The following MCCC2 variants were observed in gnomAD, a reference collection of about 807,000 sequenced individuals.
MCCC2 encodes the protein methylcrotonyl-CoA carboxylase subunit 2.
A neutral mutation model predicts 77.2 loss-of-function variants in MCCC2; 52 were observed. That is an observed-to-expected ratio of 0.67 (90% CI 0.54 to 0.85). The LOEUF is 0.85. MCCC2 is among the 40% of genes least tolerant of loss of function. MCCC2 has a pLI of 0.00. For synonymous variants in MCCC2, 253 were observed against 248.4 expected, an observed-to-expected ratio of 1.02 and a Z score of -0.18; for missense variants, 682 against 703.2, an observed-to-expected ratio of 0.97 and a Z score of 0.34.
At chr5:71,637,992 A>G (rs111493948) in intron 10 of MCCC2, among the ~76,000 whole-genome samples, 7,934 of 152,012 alleles carry the variant, frequency 0.052, 739 homozygotes, top group African/African-American at 0.18. Flanking sequence ...GATTACAGGC[A>G]TCACCCACCG....
In MCCC2 at chr5:71,634,566, C is replaced by T. The variant is rs181656425; in HGVS notation, c.804-377C>T. Among the ~76,000 whole-genome samples the T allele has an allele frequency of 3.3e-5, 5 of 152,282 alleles. No homozygotes were observed. In the East Asian group the frequency reaches 5.8e-4, roughly 18 times the overall value. On this transcript the variant is annotated intron_variant, in intron 8 of 16. Transcript: ENST00000340941. ...CCGTCTGTGGTTGGCCTTCATCACA[C>T]GCAATTCTGCTTACGGTACAGGGGA...
At chr5:71,610,074 T>C (rs1200337681) in intron 6 of MCCC2, among the ~76,000 whole-genome samples, 2 of 152,264 alleles carry the variant, frequency 1.3e-5, no homozygotes, top group Non-Finnish European at 2.9e-5. Flanking sequence ...GCAGGCCTCC[T>C]TGAGCTGTGG....
At chr5:71,613,556 G>C (rs1746047120) in intron 6 of MCCC2, among the ~76,000 whole-genome samples, 1 of 152,130 alleles carries the variant, frequency 6.6e-6, no homozygotes, top group African/African-American at 2.4e-5. Flanking sequence ...AGTACTTTGA[G>C]AGGCCAAGGC....
intron 6 of MCCC2, among the ~76,000 whole-genome samples, chr5:71,614,432 G>C (rs1351250785): frequency 6.6e-6 from 1 of 151,714 alleles, no homozygotes; most frequent in African/African-American, 2.4e-5. Flanking sequence ...TTGAGGCCAG[G>C]AGTTTAAGAT....
intron 10 of MCCC2, among the ~76,000 whole-genome samples, chr5:71,639,167 A>G (rs777979828): frequency 1.3e-5 from 2 of 152,220 alleles, no homozygotes; most frequent in Non-Finnish European, 2.9e-5. Flanking sequence ...TTAGCCTTTA[A>G]CGAGAGAGTA....
chr5:71,588,419 C>T (rs556832276), intron 1 of MCCC2, among the ~76,000 whole-genome samples: 1 of 152,138 alleles, frequency 6.6e-6, no homozygotes, highest in Admixed American at 6.5e-5. Context: ...TGTGTTCCCA[C>T]GATTTCTAAG....
Position 71,635,224 on chromosome 5 carries a change from A to G in MCCC2, c.977A>G (p.Lys326Arg). 1 of 1,614,146 alleles carries G rather than the reference A, an allele frequency of 6.2e-7. No homozygotes were observed. The highest frequency in any genetic ancestry group is 8.5e-7 in the Non-Finnish European group (1 of 1,179,994). The change falls in exon 10 of 17, where the codon AAG becomes AGG. Residue 326 changes from lysine to arginine, a missense_variant. Lys to Arg is a conservative substitution (Grantham distance 26). Coordinates refer to ENST00000340941, the MANE Select transcript of MCCC2 (RefSeq NM_022132.5). ...ELYGIVGANL[K>R]RSFDVREVIA... ...TATGGAATAGTTGGTGCTAACCTTA[A>G]GAGGAGCTTTGATGTCCGAGAGGTA...
chr5:71,610,484 A>C (rs1745891070), intron 6 of MCCC2, among the ~76,000 whole-genome samples: 1 of 152,128 alleles, frequency 6.6e-6, no homozygotes, highest in African/African-American at 2.4e-5. Context: ...CCTTAGTGAG[A>C]TGAACCCAGT....
intron 11 of MCCC2, among the ~76,000 whole-genome samples, chr5:71,642,209 T>A (rs1580326302): frequency 8.0e-6 from 1 of 125,140 alleles, no homozygotes; most frequent in African/African-American, 3.1e-5. Flanking sequence ...AGAAGGGGAG[T>A]GAGAAGGAGA....
intron 7 of MCCC2, 22 bp from the exon 8 acceptor site, chr5:71,632,096 CTGA>C: frequency 6.2e-7 from 1 of 1,611,574 alleles, no homozygotes; most frequent in Non-Finnish European, 8.5e-7. Context: ...ACCGATTTCA[CTGA>C]TGATTTTTAT....
chr5:71,596,551 C>T (rs1251042029), intron 3 of MCCC2, among the ~76,000 whole-genome samples, 187 bp downstream of exon 3: 1 of 152,160 alleles, frequency 6.6e-6, no homozygotes, highest in African/African-American at 2.4e-5. Flanking sequence ...TACTATTGGT[C>T]AGGTACTAGT....
intron 2 of MCCC2, among the ~76,000 whole-genome samples, chr5:71,594,906 T>C (rs1745118241): frequency 6.6e-6 from 1 of 151,638 alleles, no homozygotes; most frequent in African/African-American, 2.4e-5. Context: ...CTCTTTTTTT[T>C]TTTTTTTACT....
In MCCC2 at chr5:71,604,388, G is replaced by A; in HGVS notation, c.544G>A (p.Ala182Thr). The A allele has an allele frequency of 6.2e-7, 1 of 1,614,122 alleles. No individual in the cohort carries two copies. The highest frequency in any genetic ancestry group is 8.5e-7 in the Non-Finnish European group (1 of 1,180,014). ...DSGGAYLPRQ[A>T]DVFPDRDHFG... ...GGGAGGAGCATACTTACCTCGACAAGCAGATGTGTTTCCAGATCGAGACCA... is the reference window on the plus strand; with the variant it reads ...GGGAGGAGCATACTTACCTCGACAAACAGATGTGTTTCCAGATCGAGACCA... Residue 182 changes from alanine (A) to threonine (T), a missense_variant, in exon 6 of 17, where the codon GCA (alanine) becomes ACA (threonine). Ala to Thr is a moderately conservative substitution (Grantham distance 58, BLOSUM62 0). Transcript: ENST00000340941.
intron 1 of MCCC2, among the ~76,000 whole-genome samples, chr5:71,591,434 GTTT>G (rs67936266): frequency 1.1e-5 from 1 of 95,198 alleles, no homozygotes; most frequent in Admixed American, 1.2e-4. Flanking sequence ...GTTTTGTTCT[GTTT>G]TTTTTTTTTT....
intron 10 of MCCC2, among the ~76,000 whole-genome samples, chr5:71,637,913 C>T (rs991531675): frequency 5.9e-5 from 9 of 151,954 alleles, no homozygotes; most frequent in Non-Finnish European, 1.0e-4. Flanking sequence ...GGGGTTTCAC[C>T]GTATTAGCCA....
chr5:71,604,618 A>G, intron 6 of MCCC2, 150 bp downstream of exon 6: 1 of 671,380 alleles, frequency 1.5e-6, no homozygotes, highest in Admixed American at 2.5e-5. Flanking sequence ...TTTAGGGTAC[A>G]TGTGCACATT....
intron 13 of MCCC2, among the ~76,000 whole-genome samples, 162 bp from the exon 14 acceptor site, chr5:71,648,935 T>C: frequency 6.6e-6 from 1 of 152,270 alleles, no homozygotes; most frequent in East Asian, 1.9e-4. Flanking sequence ...TTTATCCTTT[T>C]AAAGCAAACT....
intron 6 of MCCC2, among the ~76,000 whole-genome samples, chr5:71,621,942 A>G (rs1234661544): frequency 6.6e-6 from 1 of 152,222 alleles, no homozygotes; most frequent in Non-Finnish European, 1.5e-5. Flanking sequence ...GAGGGGATAG[A>G]TACCCATTCT....
At position 71,657,270 on chromosome 5, in the gene MCCC2, G is replaced by C. The variant is rs1412351392; in HGVS notation, c.*410G>C. 4.3e-6 allele frequency: 1 copy of C among 233,316 alleles called. No homozygotes were observed. Among genetic ancestry groups the C allele is most frequent in the African/African-American group, 2.3e-5 (1 of 42,886 alleles). 14.5% of individuals were successfully genotyped at this position (233,316 alleles called of 1,614,324 possible). A position where few individuals can be genotyped will look rare whatever the true frequency, so the allele number is the denominator to read the frequency against. On this transcript the variant is annotated 3_prime_UTR_variant, in exon 17 of 17. Transcript: ENST00000340941. ...ATTTTAGCGGGCTTATTTTTGAAAG[G>C]CATCTGTTACTTCAGTGGCATAAAG...
Sources: gnomAD v4.1 joint callset for allele counts (sites outside exome capture counted in the v4.1 genomes callset) on GRCh38, gnomAD v4.1.1 for gene constraint, MANE v1.5 for transcripts, NCBI Gene and HGNC (gene_info 2026-07-23, HGNC 2026-07-21) for gene names.